The following JMJD8 variants were observed in gnomAD, a reference collection of about 807,000 sequenced individuals.
JMJD8 encodes the protein jmjC domain-containing protein 8.
A neutral mutation model predicts 37.6 loss-of-function variants in JMJD8; 56 were observed. That is an observed-to-expected ratio of 1.49 (90% CI 1.20 to 1.86). JMJD8 has a LOEUF of 1.86. Among genes scored for constraint, JMJD8 ranks in the 40% most tolerant of loss-of-function variants. The pLI is 0.00. For missense variants in JMJD8, 542 were observed against 362.7 expected (o/e 1.49, Z -4.01); for synonymous variants, 261 against 163.7 (o/e 1.59, Z -4.54).
At position 682,076 on chromosome 16, in the gene JMJD8, GGTGA is replaced by G. The variant is rs1429034514; in HGVS notation, c.*714_*717del. 8 of 1,583,012 alleles carry G rather than the reference GGTGA, an allele frequency of 5.1e-6. No individual in the cohort carries two copies. The highest frequency in any genetic ancestry group is 2.3e-5 in the East Asian group (1 of 44,306). ...TTTCTCAGGTGGATGAGAAGAGGAA[GGTGA>G]GTGTGTGTCGCTTGCTGCCGATGGC... On this transcript the variant is annotated 3_prime_UTR_variant, in exon 9 of 9. Coordinates refer to ENST00000609261, the MANE Select transcript of JMJD8 (RefSeq NM_001005920.4).
Position 682,087 on chromosome 16 carries a change from G to A in JMJD8, c.*707C>T. On this transcript the variant is annotated 3_prime_UTR_variant, in exon 9 of 9. Transcript: ENST00000609261. ...GATGAGAAGAGGAAGGTGAGTGTGT[G>A]TCGCTTGCTGCCGATGGCTGGCAGG... 1 of 1,581,550 alleles carries A rather than the reference G, an allele frequency of 6.3e-7. No individual in the cohort carries two copies. Among genetic ancestry groups the A allele is most frequent in the African/African-American group, 1.3e-5 (1 of 74,626 alleles).
rs748754064 is a variant in JMJD8, at chr16:683,548, G to A, written c.373C>T (p.Pro125Ser). 8.9e-6 allele frequency: 14 copies of A among 1,565,786 alleles called. No homozygotes were observed. Among genetic ancestry groups the A allele is most frequent in the African/African-American group, 8.1e-5 (6 of 73,870 alleles). Reference protein sequence around the residue: ...YVEQLLHPQDPTSLGNDTLYF... With the variant: ...YVEQLLHPQDSTSLGNDTLYF... ...GCCTCACCATTGCCCAGGGAGGTGG[G>A]GTCCTGGGGGTGCAGCAGCTGCTCC... The change falls in exon 5 of 9, where the codon CCC (proline) becomes TCC (serine). Residue 125 changes from proline (P) to serine (S), a missense_variant. Transcript: ENST00000609261.
rs1439579906 is a variant in JMJD8, at chr16:683,684, C to T, written c.322+1G>A. The T allele has an allele frequency of 3.7e-6, 6 of 1,601,168 alleles. No homozygotes were observed. The highest frequency in any genetic ancestry group is 2.7e-5 in the African/African-American group (2 of 74,678). ...CGGGCCCCAGGGGTGAGGCCGCGTA[C>T]CTTTGTGGTAGGAGTAGGTGTTGGC... On this transcript the variant is annotated splice_donor_variant, in intron 4 of 8. Transcript: ENST00000609261. LOFTEE classifies it high-confidence loss of function.
chr16:682,844 C>T lies in JMJD8; in HGVS notation c.745G>A (p.Ala249Thr), dbSNP rs778115043. The change falls in exon 9 of 9, where the codon GCT becomes ACT. Residue 249 changes from alanine (A) to threonine (T), a missense_variant. Transcript: ENST00000609261. ...VLYFPDRWWH[A>T]TLNLDTSVFI... ...ACGCTGGTGTCAAGGTTGAGCGTAGCATGCCACCAGCGGTCGGGGAAGTAC... is the reference window on the plus strand; with the variant it reads ...ACGCTGGTGTCAAGGTTGAGCGTAGTATGCCACCAGCGGTCGGGGAAGTAC... 11 of 1,613,084 alleles carry T rather than the reference C, an allele frequency of 6.8e-6. No homozygotes were observed. The South Asian group carries it at 8.8e-5, about 13-fold the overall frequency.
At position 682,981 on chromosome 16, in the gene JMJD8, G is replaced by A. The variant is rs2039742660; in HGVS notation, c.686C>T (p.Pro229Leu). The change falls in exon 8 of 9, where the codon CCC becomes CTC. Residue 229 changes from proline (P) to leucine (L), a missense_variant. By Grantham distance (98) the Pro-to-Leu change is moderately conservative. Coordinates refer to ENST00000609261, the MANE Select transcript of JMJD8 (RefSeq NM_001005920.4). ...TYPALPPSAR[P>L]LECTIRAGEV... ...ACCAGCCCGGATGGTACACTCCAGGGGCCGTGCAGACGGTGGCAGGGCTGG... is the reference window on the plus strand; with the variant it reads ...ACCAGCCCGGATGGTACACTCCAGGAGCCGTGCAGACGGTGGCAGGGCTGG... The A allele has an allele frequency of 1.9e-6, 3 of 1,613,230 alleles. No homozygotes were observed. The African/African-American group carries it at 4.0e-5, about 22-fold the overall frequency.
At chr16:683,623 CCGTCTGGTCCAG>C in intron 4 of JMJD8, 25 bp from the exon 5 acceptor site, 1 of 1,575,892 alleles carries the variant, frequency 6.3e-7, no homozygotes, top group African/African-American at 1.3e-5. Flanking sequence ...CGGGTCAGGA[CCGTCTGGTCCAG>C]CCGCCCCGGT....
At position 683,927 on chromosome 16, in the gene JMJD8, G is replaced by C. The variant is rs1318501290; in HGVS notation, c.177-18C>G. 6.4e-7 allele frequency: 1 copy of C among 1,568,236 alleles called. No homozygotes were observed. Among genetic ancestry groups the C allele is most frequent in the Admixed American group, 1.8e-5 (1 of 54,100 alleles). On this transcript the variant is annotated intron_variant, in intron 2 of 8. Coordinates refer to ENST00000609261, the MANE Select transcript of JMJD8 (RefSeq NM_001005920.4). The stretch of plus-strand genomic sequence containing the variant: ...AGGCGTACCTGGAAAGAAGGGCAGA[G>C]TCGCGGCCAGGCCGGACCGCCAGCC...
chr16:681,890 C>A lies in JMJD8; in HGVS notation c.*904G>T. ...CATTGAGGCCAAGCACGTGAGGGTG[C>A]CCCCCACCCACATGTGGGTCTGTGT... On this transcript the variant is annotated 3_prime_UTR_variant, in exon 9 of 9. Transcript: ENST00000609261. 1 of 1,612,352 alleles carries A rather than the reference C, an allele frequency of 6.2e-7. No individual in the cohort carries two copies.
chr16:681,827 G>A lies in JMJD8; in HGVS notation c.*967C>T. ...AGAGTGCCAGCGAAACCACGAGGGT[G>A]ATGAGGACGACAGCCACGTCCGGGC... On this transcript the variant is annotated 3_prime_UTR_variant, in exon 9 of 9. Transcript: ENST00000609261. 3 of 1,609,436 alleles carry A rather than the reference G, an allele frequency of 1.9e-6. No homozygotes were observed. The highest frequency in any genetic ancestry group is 2.5e-6 in the Non-Finnish European group (3 of 1,177,446).
In JMJD8 at chr16:681,753, G is replaced by A. The variant is rs758826769; in HGVS notation, c.*1041C>T. 5 of 1,566,232 alleles carry A rather than the reference G, an allele frequency of 3.2e-6. No homozygotes were observed. Among genetic ancestry groups the A allele is most frequent in the Non-Finnish European group, 4.3e-6 (5 of 1,150,552 alleles). On this transcript the variant is annotated 3_prime_UTR_variant, in exon 9 of 9. Transcript: ENST00000609261. ...GAGATTGGGGTGTGGTCAGACATCTGGCCAGGTCCATCTCTGACCGGCTCC... is the reference window on the plus strand; with the variant it reads ...GAGATTGGGGTGTGGTCAGACATCTAGCCAGGTCCATCTCTGACCGGCTCC...
rs771113147 is a variant in JMJD8 at position 683,197 on chromosome 16, G to A, written c.549C>T (p.Pro183=). The change falls in exon 7 of 9, where the codon CCC becomes CCT. Residue 183 remains proline (P), a synonymous_variant. Transcript: ENST00000609261. ...GACCGTAGATCACTTCTGAGTACCC[G>A]GGTCCATGCCAGTGGAAGGGCACCC... The part of the protein sequence containing the change: ...GSGVPFHWHG[P]GYSEVIYGRK... The A allele has an allele frequency of 9.9e-6, 16 of 1,613,094 alleles. No individual in the cohort carries two copies. Among genetic ancestry groups the A allele is most frequent in the South Asian group, 9.9e-5 (9 of 91,072 alleles).
chr16:684,263 G>A lies in JMJD8; in HGVS notation c.57C>T (p.Pro19=), dbSNP rs1041434661. 4 of 1,418,428 alleles carry A rather than the reference G, an allele frequency of 2.8e-6. No individual in the cohort carries two copies. In the African/African-American group the frequency reaches 4.5e-5, roughly 16 times the overall value. 87.9% of individuals were successfully genotyped at this position (1,418,428 alleles called of 1,614,324 possible). A position where few individuals can be genotyped will look rare whatever the true frequency, so the allele number is the denominator to read the frequency against. ...ALWALAAVAL[P]GSGAEGDGGW... ...CGCCGTCGCCCTCCGCCCCGGAGCC[G>A]GGTAGAGCCACAGCCGCCAGCGCCC... The change falls in exon 1 of 9, where the codon CCC becomes CCT. Residue 19 remains proline, a synonymous_variant. Coordinates refer to ENST00000609261, the MANE Select transcript of JMJD8 (RefSeq NM_001005920.4).
chr16:684,144 C>A lies in JMJD8; in HGVS notation c.98G>T (p.Gly33Val). 1 of 1,488,362 alleles carries A rather than the reference C, an allele frequency of 6.7e-7. No individual in the cohort carries two copies. Among genetic ancestry groups the A allele is most frequent in the Admixed American group, 2.2e-5 (1 of 44,600 alleles). The allele number at this position is 1,488,362 out of a possible 1,614,324, so 92.2% of individuals were successfully genotyped here. A position where few individuals can be genotyped will look rare whatever the true frequency, so the allele number is the denominator to read the frequency against. Residue 33 changes from glycine to valine, a missense_variant, in exon 2 of 9, where the codon GGG becomes GTG. By Grantham distance (109) the Gly-to-Val change is moderately radical (BLOSUM62 -3). Transcript: ENST00000609261. ...AEGDGGWRPG[G>V]PGAVAEEERC... ...CTCCTCCTCCGCCACGGCCCCCGGCCCGCCCGGGCGCCTGCGGGCACAGCT... is the reference window on the plus strand; with the variant it reads ...CTCCTCCTCCGCCACGGCCCCCGGCACGCCCGGGCGCCTGCGGGCACAGCT...
At chr16:683,465 A>C (rs1406261201) in intron 5 of JMJD8, 24 bp from the exon 6 acceptor site, 5 of 1,550,002 alleles carry the variant, frequency 3.2e-6, no homozygotes, top group Non-Finnish European at 3.5e-6. Context: ...CGGCGGGGAC[A>C]GGGATCCTGG....
rs1000675280 is a variant in JMJD8 at position 683,322 on chromosome 16, C to G, written c.511G>C (p.Gly171Arg). 3.8e-6 allele frequency: 6 copies of G among 1,595,150 alleles called. No individual in the cohort carries two copies. The highest frequency in any genetic ancestry group is 5.1e-6 in the Non-Finnish European group (6 of 1,170,744). The part of the protein sequence containing the change: ...TAPAYSFGIA[G>R]AGSGVPFHWH... Reference sequence around the variant, plus strand: ...CTTCCCAGTCCCAAGAAGCACCCACCTGCGATTCCAAAGCTGTAAGCTGGA... The same window carrying G: ...CTTCCCAGTCCCAAGAAGCACCCACGTGCGATTCCAAAGCTGTAAGCTGGA... The change falls in exon 6 of 9, where the codon GGA (glycine) becomes CGA (arginine). Residue 171 changes from glycine to arginine, a missense_variant and splice_region_variant. By Grantham distance (125) the Gly-to-Arg change is moderately radical. Transcript: ENST00000609261.
intron 8 of JMJD8, 35 bp from the exon 9 acceptor site, chr16:682,909 G>A (rs745557725): frequency 6.2e-7 from 1 of 1,612,408 alleles, no homozygotes; most frequent in Non-Finnish European, 8.5e-7. Context: ...GAGATTAGCT[G>A]CGGGCCTCTA....
In JMJD8 at chr16:682,695, T is replaced by G; in HGVS notation, c.*99A>C. 1 of 1,467,602 alleles carries G rather than the reference T, an allele frequency of 6.8e-7. No homozygotes were observed. Among genetic ancestry groups the G allele is most frequent in the Non-Finnish European group, 9.3e-7 (1 of 1,072,844 alleles). 90.9% of individuals were successfully genotyped at this position (1,467,602 alleles called of 1,614,324 possible). A position where few individuals can be genotyped will look rare whatever the true frequency, so the allele number is the denominator to read the frequency against. On this transcript the variant is annotated 3_prime_UTR_variant, in exon 9 of 9. Coordinates refer to ENST00000609261, the MANE Select transcript of JMJD8 (RefSeq NM_001005920.4). Reference sequence around the variant, plus strand: ...GCTGGAAAAGCAGGTGAGGGTGGGCTGGGCTGAGGCCATTGCCGCCACTAT... The same window carrying G: ...GCTGGAAAAGCAGGTGAGGGTGGGCGGGGCTGAGGCCATTGCCGCCACTAT...
In JMJD8 at chr16:683,588, G is replaced by C. The variant is rs767806643; in HGVS notation, c.333C>G (p.Pro111=). The C allele has an allele frequency of 6.3e-7, 1 of 1,577,450 alleles. No homozygotes were observed. The highest frequency in any genetic ancestry group is 8.6e-7 in the Non-Finnish European group (1 of 1,161,848). ...GCAGCTGCTCCACATACTCCTGGAA[G>C]GGCAAGTCCACTGCAGGAAAGAGAC... The part of the protein sequence containing the change: ...NTYSYHKVDL[P]FQEYVEQLLH... Residue 111 remains proline (P), a synonymous_variant, in exon 5 of 9, where the codon CCC becomes CCG. Transcript: ENST00000609261.
Position 682,475 on chromosome 16 carries a change from G to A in JMJD8, c.*319C>T, listed in dbSNP as rs1275049962. 1.9e-6 allele frequency: 3 copies of A among 1,613,378 alleles called. No homozygotes were observed. The highest frequency in any genetic ancestry group is 2.5e-6 in the Non-Finnish European group (3 of 1,180,014). On this transcript the variant is annotated 3_prime_UTR_variant, in exon 9 of 9. Coordinates refer to ENST00000609261, the MANE Select transcript of JMJD8 (RefSeq NM_001005920.4). ...CGCATTCATCTCTGAGAATGGCTGG[G>A]TGGAGGACTACTGAGGTTCCCTGCC...
Sources: allele counts gnomAD v4.1 joint callset, GRCh38; gene constraint gnomAD v4.1.1; transcripts MANE v1.5; gene names NCBI Gene and HGNC (gene_info 2026-07-23, HGNC 2026-07-21).